Variants in ORC1 observed in about 807,000 individuals in gnomAD.
ORC1 encodes origin recognition complex subunit 1, also known as origin recognition complex, subunit 1 homolog.
A neutral mutation model predicts 98.9 loss-of-function variants in ORC1; 61 were observed. The ratio of observed to expected loss-of-function variants is 0.62; its 90% CI spans 0.50 to 0.76. The LOEUF (loss-of-function observed/expected upper bound fraction) is 0.76, where lower values mean the gene tolerates loss of function less well. ORC1 is among the 30% of genes least tolerant of loss of function. The pLI is 0.00. For missense variants in ORC1, 979 were observed against 1,072.2 expected, an observed-to-expected ratio of 0.91 and a Z score of 1.21; for synonymous variants, 385 against 406.9, an observed-to-expected ratio of 0.95 and a Z score of 0.65.
chr1:52,401,177 T>G (rs1375714339), intron 3 of ORC1, among the ~76,000 whole-genome samples, 185 bp downstream of exon 3: 1 of 152,172 alleles, frequency 6.6e-6, no homozygotes, highest in Non-Finnish European at 1.5e-5. Flanking sequence ...CAGTTCCGTT[T>G]TACTCAATAC....
chr1:52,382,215 G>A (rs992562023), intron 13 of ORC1, among the ~76,000 whole-genome samples: 3 of 152,046 alleles, frequency 2.0e-5, no homozygotes, highest in African/African-American at 4.8e-5. Context: ...TCCTGACCTC[G>A]GGATCCACCT....
At chr1:52,384,771 A>G (rs765906768) in intron 10 of ORC1, 50 bp from the exon 11 acceptor site, 2 of 1,494,416 alleles carry the variant, frequency 1.3e-6, no homozygotes, top group African/African-American at 2.8e-5. Context: ...CAGCCACTAC[A>G]CGTTATAATC....
chr1:52,400,952 C>A (rs1252290710), intron 3 of ORC1, among the ~76,000 whole-genome samples: 1 of 152,224 alleles, frequency 6.6e-6, no homozygotes, highest in Non-Finnish European at 1.5e-5. Flanking sequence ...CCAAATCCAA[C>A]TTACCTCTTC....
chr1:52,379,824 T>C (rs973554666), intron 14 of ORC1, among the ~76,000 whole-genome samples: 3 of 151,824 alleles, frequency 2.0e-5, no homozygotes, highest in African/African-American at 7.3e-5. Context: ...TCCCAGCTAC[T>C]TGGGAGGCTG....
chr1:52,382,385 G>C (rs1343825574), intron 13 of ORC1, among the ~76,000 whole-genome samples: 2 of 152,102 alleles, frequency 1.3e-5, no homozygotes, highest in Admixed American at 6.6e-5. Flanking sequence ...ATTGAAGTGG[G>C]TGAGAGGATC....
chr1:52,408,779 G>A (rs1212322044), upstream of ORC1: 6 of 1,444,818 alleles, frequency 4.2e-6, no homozygotes, highest in Admixed American at 9.4e-5. Context: ...CATAGACAGT[G>A]TGAATGCTCC....
intron 5 of ORC1, 148 bp from the exon 6 acceptor site, chr1:52,393,951 A>T (rs937373684): frequency 2.4e-6 from 2 of 850,368 alleles, no homozygotes; most frequent in Non-Finnish European, 3.6e-6. Context: ...TCTCCAGCCC[A>T]GGTAGCTCTA....
intron 7 of ORC1, 121 bp from the exon 8 acceptor site, chr1:52,388,758 G>T: frequency 1.2e-6 from 1 of 828,758 alleles, no homozygotes; most frequent in Non-Finnish European, 2.1e-6. Context: ...TGACATGGGT[G>T]CTTGCTACCG....
At chr1:52,390,372 G>A (rs1647192534) in intron 6 of ORC1, among the ~76,000 whole-genome samples, 1 of 152,114 alleles carries the variant, frequency 6.6e-6, no homozygotes, top group Admixed American at 6.5e-5. Context: ...GGAACAGAAC[G>A]GAGAACCCAG....
intron 4 of ORC1, 152 bp from the exon 5 acceptor site, chr1:52,396,516 A>G (rs1479622847): frequency 4.8e-6 from 4 of 833,522 alleles, no homozygotes. Context: ...ATGGCATAGC[A>G]TATTGCTAGA....
chr1:52,387,859 T>C (rs549057518), intron 8 of ORC1, among the ~76,000 whole-genome samples: 9 of 152,350 alleles, frequency 5.9e-5, no homozygotes, highest in African/African-American at 2.2e-4. Flanking sequence ...TCAACTGTGT[T>C]CCAAAGAATA....
At chr1:52,406,822 A>T (rs1382638601), upstream of ORC1, among the ~76,000 whole-genome samples, 1 of 152,194 alleles carries the variant, frequency 6.6e-6, no homozygotes, top group East Asian at 1.9e-4. Context: ...ATTCTACAGG[A>T]GAGGAAACTG....
In ORC1 at chr1:52,393,638, G is replaced by A. The variant is rs1647276529; in HGVS notation, c.887C>T (p.Thr296Ile). ...LSPALKAPEKTRETGLSYTED... is the reference protein window; with the variant it reads ...LSPALKAPEKIRETGLSYTED... ...AGTATAAGAGAGTCCAGTCTCTCTG[G>A]TTTTCTCTGGGGCTTTCAGAGCTGG... Residue 296 changes from threonine to isoleucine, a missense_variant, in exon 6 of 17, where the codon ACC becomes ATC. Transcript: ENST00000371568. 3 of 1,614,124 alleles carry A rather than the reference G, an allele frequency of 1.9e-6. No individual in the cohort carries two copies. The highest frequency in any genetic ancestry group is 2.7e-5 in the African/African-American group (2 of 75,022).
In ORC1 at chr1:52,397,977, T is replaced by C. The variant is rs1647497425; in HGVS notation, c.224-114A>G. 7 of 1,072,400 alleles carry C rather than the reference T, an allele frequency of 6.5e-6. 1 individual carries two copies. Among genetic ancestry groups the C allele is most frequent in the South Asian group, 3.9e-5 (3 of 77,290 alleles). The allele number at this position is 1,072,400 out of a possible 1,614,324, so 66.4% of individuals were successfully genotyped here. Reference sequence around the variant, plus strand: ...CCCTTGACATGTGTGGTTTTGTTTTTTGTTTTTTGAGACAGAGTCTCTGTC... The same window carrying C: ...CCCTTGACATGTGTGGTTTTGTTTTCTGTTTTTTGAGACAGAGTCTCTGTC... On this transcript the variant is annotated intron_variant, in intron 3 of 16. Transcript: ENST00000371568.
chr1:52,381,512 T>C (rs1647069376), intron 14 of ORC1, 130 bp downstream of exon 14: 2 of 968,362 alleles, frequency 2.1e-6, no homozygotes, highest in East Asian at 5.7e-5. Context: ...CATAATCTTG[T>C]CTTTTTTGAT....
chr1:52,377,682 A>C (rs1189754603), intron 14 of ORC1, among the ~76,000 whole-genome samples: 1 of 137,852 alleles, frequency 7.3e-6, no homozygotes, highest in Non-Finnish European at 1.5e-5. Flanking sequence ...AAATGGTAAC[A>C]GTTGGTAGTG....
intron 9 of ORC1, 87 bp downstream of exon 9, chr1:52,385,765 T>A (rs1304077687): frequency 4.7e-6 from 4 of 851,074 alleles, no homozygotes; most frequent in Non-Finnish European, 2.0e-6. Context: ...CTTTATTAGG[T>A]AGACCAGTGA....
chr1:52,392,083 A>T (rs532705866), intron 6 of ORC1, among the ~76,000 whole-genome samples: 1 of 152,266 alleles, frequency 6.6e-6, no homozygotes, highest in African/African-American at 2.4e-5. Flanking sequence ...GCCATAATTT[A>T]AAAAATCAAA....
chr1:52,396,741 T>C (rs542371430), intron 4 of ORC1, among the ~76,000 whole-genome samples: 2 of 152,320 alleles, frequency 1.3e-5, no homozygotes, highest in Non-Finnish European at 2.9e-5. Flanking sequence ...TCTTATACCC[T>C]ACCATTGCTT....
Sources: allele counts gnomAD v4.1 joint callset (sites outside exome capture counted in the v4.1 genomes callset), GRCh38; gene constraint gnomAD v4.1.1; transcripts MANE v1.5; gene names NCBI Gene and HGNC (gene_info 2026-07-23, HGNC 2026-07-21).